Variants in CSMD1 observed in about 807,000 individuals in gnomAD.
CSMD1 encodes CUB and Sushi multiple domains 1.
Under a neutral mutation model 417.5 loss-of-function variants are expected in CSMD1, and 213 were observed. The ratio of observed to expected loss-of-function variants is 0.51; its 90% CI spans 0.46 to 0.57. The LOEUF is 0.57. Among genes scored for constraint, CSMD1 ranks in the 20% least tolerant of loss-of-function variants. CSMD1 has a pLI of 0.00. For synonymous variants in CSMD1, 2,862 were observed against 1,736.8 expected, an observed-to-expected ratio of 1.65 and a Z score of -16.11; for missense variants, 6,923 against 4,529.7, an observed-to-expected ratio of 1.53 and a Z score of -15.17.
chr8:3,719,008 C>G (rs1039786757), intron 6 of CSMD1, among the ~76,000 whole-genome samples: 1 of 152,096 alleles, frequency 6.6e-6, no homozygotes, highest in East Asian at 1.9e-4. Flanking sequence ...GGTGAGACAA[C>G]GCGCTCAGAA....
At chr8:4,892,389 A>C (rs992233989) in intron 1 of CSMD1, among the ~76,000 whole-genome samples, 1 of 152,086 alleles carries the variant, frequency 6.6e-6, no homozygotes, top group African/African-American at 2.4e-5. Context: ...GGAGTTGAGA[A>C]TCCTGAGCTT....
intron 2 of CSMD1, among the ~76,000 whole-genome samples, chr8:4,621,395 T>A (rs897427364): frequency 6.6e-6 from 1 of 152,090 alleles, no homozygotes; most frequent in African/African-American, 2.4e-5. Flanking sequence ...GATTTGGAAT[T>A]TTATAATTAG....
At chr8:3,834,654 C>A (rs1802574256) in intron 5 of CSMD1, among the ~76,000 whole-genome samples, 1 of 151,958 alleles carries the variant, frequency 6.6e-6, no homozygotes, top group South Asian at 2.1e-4. Context: ...AATTATCAAA[C>A]CTGATGGTGG....
intron 46 of CSMD1, among the ~76,000 whole-genome samples, chr8:3,105,876 G>T (rs115902156): frequency 6.6e-6 from 1 of 152,156 alleles, no homozygotes; most frequent in African/African-American, 2.4e-5. Flanking sequence ...TTTTCATAGC[G>T]GAAGCTAGGT....
chr8:4,065,925 G>T (rs769077687), intron 3 of CSMD1, among the ~76,000 whole-genome samples: 6 of 152,138 alleles, frequency 3.9e-5, no homozygotes, highest in African/African-American at 1.2e-4. Flanking sequence ...AGGGAAAAAT[G>T]AGAGTTAGAG....
chr8:4,486,158 CATACATATATATATAT>C (rs1563223657), intron 2 of CSMD1, among the ~76,000 whole-genome samples: 242 of 17,872 alleles, frequency 0.014, 9 homozygotes, highest in African/African-American at 0.048. Context: ...TATATATATA[CATACATATATATATAT>C]ACATACATAT....
Position 4,398,675 on chromosome 8 carries a change from A to C in CSMD1, c.415+21278T>G, listed in dbSNP as rs149271035. Among the ~76,000 whole-genome samples, 70 of 152,252 alleles carry C rather than the reference A, an allele frequency of 4.6e-4. 1 individual carries two copies. The highest frequency in any genetic ancestry group is 1.2e-3 in the South Asian group (6 of 4,826). ...CTCCCAAAGTGCTGGGATTACAGGC[A>C]TGAGCCATCACACCCGGCCACTCTG... On this transcript the variant is annotated intron_variant, in intron 3 of 69. Transcript: ENST00000635120.
chr8:3,481,036 G>C (rs955880812), intron 11 of CSMD1, among the ~76,000 whole-genome samples: 3 of 151,162 alleles, frequency 2.0e-5, no homozygotes, highest in Admixed American at 1.3e-4. Context: ...GGCACCTGTA[G>C]TCCCAGCTAC....
chr8:3,454,913 A>G (rs531501701), intron 12 of CSMD1, among the ~76,000 whole-genome samples: 2 of 152,312 alleles, frequency 1.3e-5, no homozygotes, highest in East Asian at 1.9e-4. Flanking sequence ...GTGTTTTCCA[A>G]CTTGGTTCCA....
chr8:4,380,546 C>T (rs1031388446), intron 3 of CSMD1, among the ~76,000 whole-genome samples: 1 of 152,150 alleles, frequency 6.6e-6, no homozygotes. Flanking sequence ...CGACTAAATG[C>T]CACATGAGGT....
intron 5 of CSMD1, among the ~76,000 whole-genome samples, chr8:3,964,525 G>A (rs921297963): frequency 2.0e-5 from 3 of 152,176 alleles, no homozygotes; most frequent in African/African-American, 7.2e-5. Context: ...GCTCTCATAG[G>A]AAGAAATGAG....
intron 3 of CSMD1, among the ~76,000 whole-genome samples, chr8:4,359,547 T>C (rs1331669918): frequency 2.6e-5 from 4 of 152,218 alleles, no homozygotes; most frequent in East Asian, 3.8e-4. Context: ...CCAATCCTCT[T>C]GCGCAGAAGA....
At chr8:3,036,607 G>T (rs952986449) in intron 50 of CSMD1, among the ~76,000 whole-genome samples, 1 of 152,122 alleles carries the variant, frequency 6.6e-6, no homozygotes, top group Non-Finnish European at 1.5e-5. Flanking sequence ...CTGGACACGC[G>T]AGAGAAAAAC....
At chr8:4,733,097 A>G (rs1810009822) in intron 1 of CSMD1, among the ~76,000 whole-genome samples, 1 of 152,210 alleles carries the variant, frequency 6.6e-6, no homozygotes, top group African/African-American at 2.4e-5. Context: ...CTGATATTAA[A>G]GCAAATTAGA....
At chr8:4,464,590 G>C (rs1177254902) in intron 2 of CSMD1, among the ~76,000 whole-genome samples, 1 of 152,124 alleles carries the variant, frequency 6.6e-6, no homozygotes, top group African/African-American at 2.4e-5. Context: ...GGTTTCTACT[G>C]AACGTGTTAT....
At chr8:4,760,567 T>C (rs538251047) in intron 1 of CSMD1, among the ~76,000 whole-genome samples, 27 of 152,306 alleles carry the variant, frequency 1.8e-4, no homozygotes, top group African/African-American at 6.5e-4. Flanking sequence ...AGCAGGAATA[T>C]TTTTATTTCT....
chr8:4,567,401 G>C (rs903426559), intron 2 of CSMD1, among the ~76,000 whole-genome samples: 2 of 152,184 alleles, frequency 1.3e-5, no homozygotes, highest in Admixed American at 6.5e-5. Flanking sequence ...CAATGGTGCA[G>C]CTGTGGAGAA....
At chr8:4,161,053 A>G (rs1262917130) in intron 3 of CSMD1, among the ~76,000 whole-genome samples, 1 of 152,108 alleles carries the variant, frequency 6.6e-6, no homozygotes, top group Non-Finnish European at 1.5e-5. Context: ...AAAACTGAGC[A>G]GTCCCAGATT....
At chr8:3,595,787 A>C (rs898149062) in intron 8 of CSMD1, among the ~76,000 whole-genome samples, 7 of 152,210 alleles carry the variant, frequency 4.6e-5, no homozygotes, top group African/African-American at 1.7e-4. Flanking sequence ...TTGTCATGCG[A>C]AGTAGAAAAA....
Sources: allele counts gnomAD v4.1 joint callset (sites outside exome capture counted in the v4.1 genomes callset), GRCh38; gene constraint gnomAD v4.1.1; transcripts MANE v1.5; gene names NCBI Gene and HGNC (gene_info 2026-07-23, HGNC 2026-07-21).